The following TANC2 variants were observed in gnomAD, a reference collection of about 807,000 sequenced individuals.
TANC2 encodes tetratricopeptide repeat, ankyrin repeat and coiled-coil containing 2, also known as protein TANC2.
In TANC2, 26 loss-of-function variants were observed where a neutral mutation model predicts 210.5. The observed-to-expected ratio is 0.12, with a 90% CI of 0.09 to 0.17. The LOEUF (loss-of-function observed/expected upper bound fraction) is 0.17. Among genes scored for constraint, TANC2 ranks in the 10% least tolerant of loss-of-function variants. The pLI is 1.00. For missense variants in TANC2, 2,129 were observed against 2,608.9 expected (o/e 0.82, Z 4.01); for synonymous variants, 931 against 967.1 (o/e 0.96, Z 0.69).
At chr17:63,253,882 C>G (rs561963240) in intron 8 of TANC2, among the ~76,000 whole-genome samples, 1 of 152,288 alleles carries the variant, frequency 6.6e-6, no homozygotes, top group Non-Finnish European at 1.5e-5. Context: ...CTCCTGGGCT[C>G]AAGCAGTCAG....
At position 63,400,978 on chromosome 17, in the gene TANC2, A is replaced by C. The variant is rs548151117; in HGVS notation, c.3331+2064A>C. Among the ~76,000 whole-genome samples, 146 of 152,210 alleles carry C rather than the reference A, an allele frequency of 9.6e-4. No homozygotes were observed. In the South Asian group the frequency reaches 0.011, roughly 12 times the overall value. On this transcript the variant is annotated intron_variant, in intron 19 of 27. Transcript: ENST00000689528. Reference sequence around the variant, plus strand: ...GTAATACAATTTCTATATCTATGAAAAATTATTTTATTTCAGAAAAAATTC... The same window carrying C: ...GTAATACAATTTCTATATCTATGAACAATTATTTTATTTCAGAAAAAATTC...
chr17:63,314,528 G>A (rs1168683428), exon 10 of TANC2: 9 of 1,613,828 alleles, frequency 5.6e-6, no homozygotes, highest in Non-Finnish European at 7.6e-6. Flanking sequence ...AAGTTCAAAT[G>A]CCAGCGTGAA....
chr17:63,264,269 C>T (rs1245286634), intron 8 of TANC2, among the ~76,000 whole-genome samples: 1 of 152,140 alleles, frequency 6.6e-6, no homozygotes. Flanking sequence ...TGTACTCAAC[C>T]TCTGATGGGA....
chr17:63,217,314 G>A (rs557470068), intron 7 of TANC2, among the ~76,000 whole-genome samples: 1 of 152,092 alleles, frequency 6.6e-6, no homozygotes, highest in South Asian at 2.1e-4. Context: ...TACTGACTAG[G>A]ACAAAAAAAG....
intron 8 of TANC2, among the ~76,000 whole-genome samples, chr17:63,240,098 A>G (rs2042733819): frequency 6.6e-6 from 1 of 152,236 alleles, no homozygotes; most frequent in African/African-American, 2.4e-5. Context: ...ACTGTACATT[A>G]TGAAAAGTTC....
intron 2 of TANC2, among the ~76,000 whole-genome samples, chr17:63,065,049 A>G (rs1598342744): frequency 6.6e-6 from 1 of 151,984 alleles, no homozygotes; most frequent in Admixed American, 6.6e-5. Context: ...CTCCCTGCAC[A>G]CCCCTGCTCC....
intron 15 of TANC2, among the ~76,000 whole-genome samples, chr17:63,382,724 T>C (rs899306702): frequency 1.3e-5 from 2 of 152,264 alleles, no homozygotes. Context: ...ATTCTAAATG[T>C]GTTGGGATTT....
chr17:63,003,236 T>C (rs774653399), intron 1 of TANC2, among the ~76,000 whole-genome samples: 6 of 152,214 alleles, frequency 3.9e-5, no homozygotes, highest in African/African-American at 7.2e-5. Context: ...ATAATTTGGG[T>C]GTGGGTCATT....
intron 2 of TANC2, among the ~76,000 whole-genome samples, chr17:63,066,490 G>A (rs1161312954): frequency 6.6e-6 from 1 of 152,098 alleles, no homozygotes; most frequent in Non-Finnish European, 1.5e-5. Flanking sequence ...GGTGACCAGG[G>A]CACAAAAAGA....
intron 18 of TANC2, among the ~76,000 whole-genome samples, chr17:63,397,317 T>G (rs1028343671): frequency 6.6e-6 from 1 of 152,124 alleles, no homozygotes; most frequent in Admixed American, 6.6e-5. Context: ...GCACACAACT[T>G]ACAAATAATA....
intron 4 of TANC2, among the ~76,000 whole-genome samples, chr17:63,104,658 A>G (rs2037755395): frequency 1.3e-5 from 2 of 152,212 alleles, no homozygotes; most frequent in Admixed American, 1.3e-4. Context: ...GTGTTTTTAA[A>G]TGATACATAT....
At chr17:63,090,360 C>A (rs1461006734) in intron 3 of TANC2, among the ~76,000 whole-genome samples, 1 of 152,044 alleles carries the variant, frequency 6.6e-6, no homozygotes, top group Non-Finnish European at 1.5e-5. Flanking sequence ...CATCCCTCCC[C>A]ACTTTCCCCA....
intron 6 of TANC2, among the ~76,000 whole-genome samples, chr17:63,197,362 G>T (rs986656254): frequency 6.6e-6 from 1 of 151,984 alleles, no homozygotes; most frequent in African/African-American, 2.4e-5. Context: ...ATATACACTG[G>T]AACTATCTTG....
intron 2 of TANC2, among the ~76,000 whole-genome samples, chr17:63,037,798 C>T (rs2035031863): frequency 6.6e-6 from 1 of 151,990 alleles, no homozygotes; most frequent in African/African-American, 2.4e-5. Context: ...GGGCGGCAGA[C>T]CGAGACTCCA....
intron 1 of TANC2, chr17:63,004,826 G>T: frequency 6.4e-6 from 2 of 312,392 alleles, no homozygotes; most frequent in Non-Finnish European, 1.2e-5. Flanking sequence ...TCTTTACCAA[G>T]GGCCTTTTTT....
chr17:63,351,186 G>A (rs1369895376), intron 12 of TANC2, 64 bp from the exon 13 acceptor site: 3 of 1,378,596 alleles, frequency 2.2e-6, no homozygotes, highest in Non-Finnish European at 3.0e-6. Flanking sequence ...TGTGATCAAA[G>A]ATCCAGTAAG....
Position 63,421,200 on chromosome 17 carries a change from A to G in TANC2, c.5470A>G (p.Ser1824Gly), listed in dbSNP as rs776573587. 6.8e-6 allele frequency: 11 copies of G among 1,613,922 alleles called. No individual in the cohort carries two copies. The highest frequency in any genetic ancestry group is 6.7e-5 in the Admixed American group (4 of 60,012). The change falls in exon 28 of 28, where the codon AGC becomes GGC. Residue 1824 changes from serine to glycine, a missense_variant. By Grantham distance (56) the Ser-to-Gly change is moderately conservative. Coordinates refer to ENST00000689528, the Ensembl canonical transcript of TANC2. This position sits in a 1 kb window ranked among gnomAD's most constrained non-coding sequence, Gnocchi z 6.9. ...AAAACTAGATCTGGAGCGCTCCTCC[A>G]GCCAACTAGGTTCCCCTGATGTGTC...
intron 4 of TANC2, among the ~76,000 whole-genome samples, chr17:63,115,515 G>A: frequency 6.6e-6 from 1 of 152,226 alleles, no homozygotes; most frequent in Non-Finnish European, 1.5e-5. Context: ...CGCAGTATCT[G>A]TATCTACTAT....
intron 8 of TANC2, among the ~76,000 whole-genome samples, chr17:63,266,764 T>A (rs1323914086): frequency 6.6e-6 from 1 of 152,150 alleles, no homozygotes; most frequent in African/African-American, 2.4e-5. Flanking sequence ...AAAAAGATAA[T>A]CTTAGGGGTT....
Sources: allele counts gnomAD v4.1 joint callset (sites outside exome capture counted in the v4.1 genomes callset), GRCh38; gene constraint gnomAD v4.1.1; non-coding constraint Gnocchi (gnomAD v3.1); transcripts MANE v1.5; gene names NCBI Gene and HGNC (gene_info 2026-07-23, HGNC 2026-07-21).